The following PIGT variants were observed in gnomAD, a reference collection of about 807,000 sequenced individuals.
The protein encoded by PIGT is GPI-anchor transamidase component PIGT.
A neutral mutation model predicts 66.7 loss-of-function variants in PIGT; 57 were observed. The observed-to-expected ratio is 0.86, with a 90% CI of 0.69 to 1.07. The LOEUF (loss-of-function observed/expected upper bound fraction) is 1.07. PIGT is among the 50% of genes least tolerant of loss of function. The pLI, the probability that PIGT is intolerant of heterozygous loss-of-function variation, is 0.00. For synonymous variants in PIGT, 362 were observed against 320.5 expected (o/e 1.13, Z -1.38); for missense variants, 725 against 740.4 (o/e 0.98, Z 0.24).
chr20:45,419,600 G>A lies in PIGT; in HGVS notation c.681+10G>A, dbSNP rs1343375193. 1 of 1,585,690 alleles carries A rather than the reference G, an allele frequency of 6.3e-7. No homozygotes were observed. The highest frequency in any genetic ancestry group is 8.7e-7 in the Non-Finnish European group (1 of 1,154,232). ...CCGCCCTGTTTGCAGAGTAAGTCATGGGGAGTAGAGGAAGCTGCCATCCAG... is the reference window on the plus strand; with the variant it reads ...CCGCCCTGTTTGCAGAGTAAGTCATAGGGAGTAGAGGAAGCTGCCATCCAG... On this transcript the variant is annotated intron_variant, in intron 5 of 11. Coordinates refer to ENST00000279036, the MANE Select transcript of PIGT (RefSeq NM_015937.6).
chr20:45,416,209 G>A lies in PIGT; in HGVS notation c.53G>A (p.Gly18Asp), dbSNP rs897662393. 1.9e-6 allele frequency: 3 copies of A among 1,592,942 alleles called. No homozygotes were observed. In the African/African-American group the frequency reaches 4.0e-5, roughly 21 times the overall value. The change falls in exon 1 of 12, where the codon GGC (glycine) becomes GAC (aspartate). Residue 18 changes from glycine to aspartate, a missense_variant. Physicochemically the swap from Gly to Asp is moderately conservative, Grantham distance 94. This residue lies in a region of PIGT where 559 missense variants were observed against 552.7 expected (regional missense o/e 1.01). Coordinates refer to ENST00000279036, the MANE Select transcript of PIGT (RefSeq NM_015937.6). ...CTCGTCCTGTTGCTCCTGGGGCCCG[G>A]CGGCTGGTGCCTTGCAGAACCCCCA... ...ALLVLLLLGP[G>D]GWCLAEPPRD...
rs199822136 is a variant in PIGT, at chr20:45,425,619, G to C, written c.1530G>C (p.Thr510=). The change falls in exon 12 of 12, where the codon ACG becomes ACC. Residue 510 remains threonine (T), a synonymous_variant. Coordinates refer to ENST00000279036, the MANE Select transcript of PIGT (RefSeq NM_015937.6). The stretch of plus-strand genomic sequence containing the variant: ...CTAACTACTTTGTGCGGCTCTACAC[G>C]GAGCCGCTGCTGGTGAACCTGCCGA... ...DGSNYFVRLY[T]EPLLVNLPTP... The C allele has an allele frequency of 1.9e-6, 3 of 1,613,722 alleles. No individual in the cohort carries two copies. The highest frequency in any genetic ancestry group is 2.2e-5 in the East Asian group (1 of 44,864).
At chr20:45,418,756 C>T (rs1427177335) in intron 2 of PIGT, 96 bp from the exon 3 acceptor site, 26 of 1,466,904 alleles carry the variant, frequency 1.8e-5, no homozygotes, top group Non-Finnish European at 2.5e-5. Context: ...AAGAATACAG[C>T]CTCCTCCTAT....
intron 2 of PIGT, chr20:45,418,382 G>T (rs1990122243): frequency 4.6e-6 from 1 of 216,770 alleles, no homozygotes; most frequent in Admixed American, 5.2e-5. Flanking sequence ...GTTGCTTACA[G>T]CCTAGTTAGG....
chr20:45,420,779 G>C (rs1056542836), intron 8 of PIGT, 86 bp downstream of exon 8: 5 of 1,387,706 alleles, frequency 3.6e-6, no homozygotes, highest in Middle Eastern at 1.9e-4. Context: ...TTAGATGATT[G>C]GGTTGTATTT....
rs763271618 is a variant in PIGT, at chr20:45,420,613, A to G, written c.953A>G (p.Tyr318Cys). Residue 318 changes from tyrosine to cysteine, a missense_variant, in exon 8 of 12, where the codon TAT (tyrosine) becomes TGT (cysteine). Around this residue, in one of 3 missense-constraint regions of PIGT, gnomAD observed 559 missense variants for 552.7 expected, o/e 1.01. Coordinates refer to ENST00000279036, the MANE Select transcript of PIGT (RefSeq NM_015937.6). ...GGCACTCGGAAGACCTATGCCATCT[A>G]TGACTTGCTTGACACCGCCATGATC... is the stretch of plus-strand genomic sequence containing the variant. ...ILGTRKTYAI[Y>C]DLLDTAMINN... 2.6e-5 allele frequency: 42 copies of G among 1,613,870 alleles called. No individual in the cohort carries two copies. Among genetic ancestry groups the G allele is most frequent in the Non-Finnish European group, 3.0e-5 (35 of 1,179,996 alleles).
At position 45,424,378 on chromosome 20, in the gene PIGT, T is replaced by A. The variant is rs779478558; in HGVS notation, c.1397T>A (p.Val466Asp). The A allele has an allele frequency of 1.2e-6, 2 of 1,614,080 alleles. No homozygotes were observed. Among genetic ancestry groups the A allele is most frequent in the Non-Finnish European group, 1.7e-6 (2 of 1,179,968 alleles). ...YTPDPNHGFY[V>D]SPSVLSALVP... ...CCAGATCCTAACCATGGCTTCTATG[T>A]CAGGTGGGCTCCACCCCCACAGGCC... The change falls in exon 10 of 12, where the codon GTC becomes GAC. Residue 466 changes from valine to aspartate, a missense_variant. Around this residue, in one of 3 missense-constraint regions of PIGT, gnomAD observed 162 missense variants for 171.1 expected, o/e 0.95. Transcript: ENST00000279036.
chr20:45,418,174 A>G (rs1424765439), intron 2 of PIGT: 2 of 153,372 alleles, frequency 1.3e-5, no homozygotes, highest in African/African-American at 4.8e-5. Context: ...GCTTTTTTGG[A>G]TATAAGACTT....
At position 45,419,545 on chromosome 20, in the gene PIGT, C is replaced by T. The variant is rs1350718354; in HGVS notation, c.636C>T (p.His212=). 1.9e-6 allele frequency: 3 copies of T among 1,614,056 alleles called. No individual in the cohort carries two copies. The highest frequency in any genetic ancestry group is 2.2e-5 in the East Asian group (1 of 44,898). ...SVLLKADRLF[H]TSYHSQAVHI... is the part of the protein sequence containing the mutation. ...TGCTGAAGGCAGATCGCTTGTTCCA[C>T]ACCAGCTACCACTCCCAGGCAGTGC... The change falls in exon 5 of 12, where the codon CAC becomes CAT. Residue 212 remains histidine (H), a synonymous_variant. Coordinates refer to ENST00000279036, the MANE Select transcript of PIGT (RefSeq NM_015937.6).
chr20:45,425,474 G>T, intron 11 of PIGT, 100 bp from the exon 12 acceptor site: 1 of 1,205,620 alleles, frequency 8.3e-7, no homozygotes, highest in Non-Finnish European at 1.1e-6. Flanking sequence ...AGAGAACATT[G>T]GAAACACTGT....
At chr20:45,419,117 G>A (rs1990174733) in intron 3 of PIGT, 138 bp downstream of exon 3, 2 of 1,175,908 alleles carry the variant, frequency 1.7e-6, no homozygotes, top group African/African-American at 1.5e-5. Flanking sequence ...CCAATACTGT[G>A]CCATCTCTGC....
rs1990355260 is a variant in PIGT, at chr20:45,421,398, C to T, written c.1049C>T (p.Pro350Leu). 2 of 1,613,848 alleles carry T rather than the reference C, an allele frequency of 1.2e-6. No homozygotes were observed. The highest frequency in any genetic ancestry group is 1.7e-6 in the Non-Finnish European group (2 of 1,179,784). ...CTTTACACAGAGGCCCCCCCAGTGC[C>T]CTTCCTGCATGCCCAGCGGTACGTG... ...RPPENEAPPV[P>L]FLHAQRYVSG... The change falls in exon 9 of 12, where the codon CCC (proline) becomes CTC (leucine). Residue 350 changes from proline (P) to leucine (L), a missense_variant. By Grantham distance (98) the Pro-to-Leu change is moderately conservative (BLOSUM62 -3). Transcript: ENST00000279036.
At chr20:45,424,138 C>A in intron 9 of PIGT, 78 bp from the exon 10 acceptor site, 1 of 1,384,254 alleles carries the variant, frequency 7.2e-7, no homozygotes, top group Non-Finnish European at 1.0e-6. Context: ...ATTGAGGCTC[C>A]ATGGCAAGCA....
chr20:45,417,809 C>A (rs572528530), intron 2 of PIGT: 1 of 152,256 alleles, frequency 6.6e-6, no homozygotes, highest in South Asian at 2.1e-4. Context: ...TTATTTGAGG[C>A]TTAAGGATTG....
chr20:45,416,211 G>A lies in PIGT; in HGVS notation c.55G>A (p.Gly19Ser), dbSNP rs1394612216. Residue 19 changes from glycine to serine, a missense_variant, in exon 1 of 12, where the codon GGC becomes AGC. By Grantham distance (56) the Gly-to-Ser change is moderately conservative (BLOSUM62 0). Coordinates refer to ENST00000279036, the MANE Select transcript of PIGT (RefSeq NM_015937.6). ...LLVLLLLGPG[G>S]WCLAEPPRDS... ...CGTCCTGTTGCTCCTGGGGCCCGGCGGCTGGTGCCTTGCAGAACCCCCACG... is the reference window on the plus strand; with the variant it reads ...CGTCCTGTTGCTCCTGGGGCCCGGCAGCTGGTGCCTTGCAGAACCCCCACG... 2.5e-6 allele frequency: 4 copies of A among 1,593,734 alleles called. No homozygotes were observed. The highest frequency in any genetic ancestry group is 3.4e-6 in the Non-Finnish European group (4 of 1,171,108).
chr20:45,416,568 A>G lies in PIGT; in HGVS notation c.239A>G (p.Tyr80Cys), dbSNP rs1458250401. 1.2e-6 allele frequency: 2 copies of G among 1,614,162 alleles called. No individual in the cohort carries two copies. The highest frequency in any genetic ancestry group is 3.3e-5 in the Admixed American group (2 of 60,024). The part of the protein sequence containing the change: ...PKALGQLISK[Y>C]SLRELHLSFT... ...GCCCTGGGGCAGCTGATCTCCAAGT[A>G]TTCTCTACGGGAGCTGCACCTGTCA... Residue 80 changes from tyrosine (Y) to cysteine (C), a missense_variant, in exon 2 of 12, where the codon TAT becomes TGT. Tyr to Cys is a radical substitution (Grantham distance 194). Coordinates refer to ENST00000279036, the MANE Select transcript of PIGT (RefSeq NM_015937.6).
chr20:45,418,679 G>T (rs1990141150), intron 2 of PIGT, 173 bp from the exon 3 acceptor site: 4 of 693,800 alleles, frequency 5.8e-6, no homozygotes, highest in African/African-American at 1.8e-5. Context: ...AGTAGGATGA[G>T]ACCCAGCAAG....
rs761773113 is a variant in PIGT at position 45,425,639 on chromosome 20, T to C, written c.1550T>C (p.Leu517Pro). 1.9e-6 allele frequency: 3 copies of C among 1,614,014 alleles called. No homozygotes were observed. Among genetic ancestry groups the C allele is most frequent in the African/African-American group, 2.7e-5 (2 of 74,926 alleles). ...TACACGGAGCCGCTGCTGGTGAACC[T>C]GCCGACACCGGACTTCAGCATGCCC... ...RLYTEPLLVN[L>P]PTPDFSMPYN... Residue 517 changes from leucine (L) to proline (P), a missense_variant, in exon 12 of 12, where the codon CTG becomes CCG. By Grantham distance (98) the Leu-to-Pro change is moderately conservative. Coordinates refer to ENST00000279036, the MANE Select transcript of PIGT (RefSeq NM_015937.6).
At position 45,419,404 on chromosome 20, in the gene PIGT, G is replaced by A. The variant is rs375333648; in HGVS notation, c.594+9G>A. 2.4e-5 allele frequency: 39 copies of A among 1,602,014 alleles called. 1 individual carries two copies. In the Admixed American group the frequency reaches 2.6e-4, roughly 11 times the overall value. ...TGCCCTGTAGTTCCAAGGTGAGGCCGCAGAGCCTGGCAGCCGGGGGCGGGG... is the reference window on the plus strand; with the variant it reads ...TGCCCTGTAGTTCCAAGGTGAGGCCACAGAGCCTGGCAGCCGGGGGCGGGG... On this transcript the variant is annotated intron_variant, in intron 4 of 11. Coordinates refer to ENST00000279036, the MANE Select transcript of PIGT (RefSeq NM_015937.6).
Sources: allele counts gnomAD v4.1 joint callset, GRCh38; gene constraint gnomAD v4.1.1; regional missense constraint gnomAD v4.1.1; transcripts MANE v1.5; gene names NCBI Gene and HGNC (gene_info 2026-07-23, HGNC 2026-07-21).